The following KIF1B variants were observed in gnomAD, a reference collection of about 807,000 sequenced individuals.
KIF1B encodes kinesin-like protein KIF1B.
Under a neutral mutation model 241.9 loss-of-function variants are expected in KIF1B, and 76 were observed. That is an observed-to-expected ratio of 0.31 (90% CI 0.26 to 0.38). The LOEUF is 0.38. Among genes scored for constraint, KIF1B ranks in the 10% least tolerant of loss-of-function variants. KIF1B has a pLI of 1.00. For missense variants in KIF1B, 1,622 were observed against 2,271.4 expected, an observed-to-expected ratio of 0.71 and a Z score of 5.81; for synonymous variants, 750 against 796.7, an observed-to-expected ratio of 0.94 and a Z score of 0.99.
chr1:10,371,520 C>T (rs1055609210), intron 45 of KIF1B, among the ~76,000 whole-genome samples: 1 of 152,202 alleles, frequency 6.6e-6, no homozygotes, highest in African/African-American at 2.4e-5. Context: ...CTAGTTTTAT[C>T]CTCCATTCCT....
intron 1 of KIF1B, among the ~76,000 whole-genome samples, chr1:10,215,135 ATT>A (rs1309083681): frequency 1.1e-5 from 1 of 92,558 alleles, no homozygotes; most frequent in African/African-American, 4.5e-5. Flanking sequence ...AAATTTATAT[ATT>A]TTATATATAT....
At chr1:10,275,141 A>G (rs754929200) in intron 10 of KIF1B, among the ~76,000 whole-genome samples, 1 of 152,182 alleles carries the variant, frequency 6.6e-6, no homozygotes, top group Admixed American at 6.6e-5. Context: ...TTGGCAGAGT[A>G]TTTTGGTAAT....
At chr1:10,275,825 A>T (rs572641965) in intron 11 of KIF1B, among the ~76,000 whole-genome samples, 1 of 152,216 alleles carries the variant, frequency 6.6e-6, no homozygotes, top group South Asian at 2.1e-4. Context: ...GAGGTGCACA[A>T]AATTAGACAT....
intron 2 of KIF1B, among the ~76,000 whole-genome samples, chr1:10,254,040 GAGT>G (rs763012993): frequency 2.0e-5 from 3 of 152,206 alleles, no homozygotes; most frequent in Non-Finnish European, 4.4e-5. Flanking sequence ...CATCTCAAAG[GAGT>G]AGATTGGTTG....
intron 32 of KIF1B, among the ~76,000 whole-genome samples, chr1:10,340,351 A>AC (rs1432507685): frequency 6.6e-6 from 1 of 152,142 alleles, no homozygotes. Flanking sequence ...AAGAAAACAG[A>AC]CCCTTCCCTC....
intron 15 of KIF1B, 99 bp downstream of exon 15, chr1:10,282,632 A>G: frequency 9.9e-7 from 1 of 1,006,576 alleles, no homozygotes; most frequent in South Asian, 1.3e-5. Context: ...GCATATGGAG[A>G]ACTCTTTGAC....
intron 2 of KIF1B, among the ~76,000 whole-genome samples, chr1:10,242,030 T>G (rs1287449207): frequency 6.6e-6 from 1 of 152,188 alleles, no homozygotes; most frequent in African/African-American, 2.4e-5. Flanking sequence ...AAAGCTGTTC[T>G]TAGTTGTGGT....
intron 1 of KIF1B, among the ~76,000 whole-genome samples, chr1:10,220,264 C>T (rs545083234): frequency 1.0e-3 from 152 of 151,172 alleles, no homozygotes; most frequent in Admixed American, 2.1e-3. Context: ...CCAATAACTC[C>T]AGAGGCTGAG....
At chr1:10,280,360 C>T (rs991313775) in intron 14 of KIF1B, among the ~76,000 whole-genome samples, 6 of 151,968 alleles carry the variant, frequency 3.9e-5, no homozygotes, top group Non-Finnish European at 7.4e-5. Flanking sequence ...CTCAGCCTCC[C>T]GAGTAGCTGG....
At chr1:10,310,610 A>G (rs370584571) in intron 22 of KIF1B, among the ~76,000 whole-genome samples, 1 of 151,494 alleles carries the variant, frequency 6.6e-6, no homozygotes, top group South Asian at 2.1e-4. Context: ...GATCTAGAAG[A>G]TAGCTACTTC....
intron 27 of KIF1B, among the ~76,000 whole-genome samples, chr1:10,333,168 GT>G (rs1652020687): frequency 1.3e-5 from 2 of 151,046 alleles, no homozygotes; most frequent in Non-Finnish European, 3.0e-5. Context: ...GCTCACGCCT[GT>G]AATCCCAGCA....
At chr1:10,258,396 G>A in intron 3 of KIF1B, 97 bp from the exon 4 acceptor site, 1 of 1,306,000 alleles carries the variant, frequency 7.7e-7, no homozygotes. Flanking sequence ...TTAGGTGACT[G>A]TTCTGATTCC....
At chr1:10,274,255 T>TAC (rs1648984219) in intron 10 of KIF1B, among the ~76,000 whole-genome samples, 1 of 152,090 alleles carries the variant, frequency 6.6e-6, no homozygotes, top group South Asian at 2.1e-4. Context: ...AATATCTTCT[T>TAC]AAAGTGTCAC....
intron 1 of KIF1B, among the ~76,000 whole-genome samples, chr1:10,229,592 C>A (rs1646951753): frequency 6.6e-6 from 1 of 152,012 alleles, no homozygotes; most frequent in Non-Finnish European, 1.5e-5. Context: ...TGCGGTGGCT[C>A]ATGCCTGTAA....
chr1:10,351,419 A>G (rs1307888541), intron 37 of KIF1B, among the ~76,000 whole-genome samples: 2 of 152,256 alleles, frequency 1.3e-5, no homozygotes, highest in East Asian at 3.9e-4. Context: ...GCTTTTCTGA[A>G]TGCTCCAAAA....
chr1:10,270,269 C>T (rs1569645840), intron 7 of KIF1B, among the ~76,000 whole-genome samples: 2 of 152,126 alleles, frequency 1.3e-5, no homozygotes, highest in Admixed American at 1.3e-4. Flanking sequence ...CGGGCAATTC[C>T]GGACCTGCCC....
chr1:10,297,177 A>G lies in KIF1B; in HGVS notation c.2046A>G (p.Leu682=). 10 of 1,610,016 alleles carry G rather than the reference A, an allele frequency of 6.2e-6. No homozygotes were observed. The highest frequency in any genetic ancestry group is 8.5e-6 in the Non-Finnish European group (10 of 1,178,268). Residue 682 remains leucine, a synonymous_variant, in exon 22 of 49, where the codon CTA becomes CTG. Coordinates refer to ENST00000676179, the MANE Select transcript of KIF1B (RefSeq NM_001365951.3). ...IDMKQEMEKR[L]QEMEILYKKE... ...TTTTTTTTTTTTTTACTTCTAGGCT[A>G]CAGGAAATGGAGATCTTATACAAAA...
chr1:10,279,258 C>A, intron 14 of KIF1B, 120 bp downstream of exon 14: 1 of 606,778 alleles, frequency 1.6e-6, no homozygotes, highest in Non-Finnish European at 2.9e-6. Flanking sequence ...CCAGACAGAG[C>A]ATAGTATAGA....
intron 1 of KIF1B, among the ~76,000 whole-genome samples, chr1:10,214,812 A>G (rs569501158): frequency 2.6e-5 from 4 of 151,560 alleles, no homozygotes; most frequent in Non-Finnish European, 5.9e-5. Context: ...CGAACTCCTG[A>G]CCTTGTGATC....
Sources: gnomAD v4.1 joint callset for allele counts (sites outside exome capture counted in the v4.1 genomes callset) on GRCh38, gnomAD v4.1.1 for gene constraint, MANE v1.5 for transcripts, NCBI Gene and HGNC (gene_info 2026-07-23, HGNC 2026-07-21) for gene names.